DRD4: variants seen among roughly 807,000 people sequenced by gnomAD.
DRD4 encodes the protein dopamine receptor D4, also known as D(4) dopamine receptor.
A neutral mutation model predicts 22.1 loss-of-function variants in DRD4; 26 were observed. That is an observed-to-expected ratio of 1.17 (90% CI 0.86 to 1.63). DRD4 has a LOEUF of 1.63. Ranked by LOEUF, DRD4 falls within the 40% of genes most tolerant of loss-of-function variation. The pLI is 0.00. For missense variants in DRD4, 913 were observed against 632.4 expected (o/e 1.44, Z -4.76); for synonymous variants, 455 against 306.7 (o/e 1.48, Z -5.05).
Position 640,514 on chromosome 11 carries a change from G to A in DRD4, c.1171G>A (p.Val391Ile), listed in dbSNP as rs1564914551. 10 of 1,599,124 alleles carry A rather than the reference G, an allele frequency of 6.3e-6. No homozygotes were observed. Among genetic ancestry groups the A allele is most frequent in the East Asian group, 2.2e-5 (1 of 44,748 alleles). The change falls in exon 4 of 4, where the codon GTC becomes ATC. Residue 391 changes from valine (V) to isoleucine (I), a missense_variant. Physicochemically the swap from Val to Ile is conservative, Grantham distance 29 (BLOSUM62 3). Coordinates refer to ENST00000176183, the MANE Select transcript of DRD4 (RefSeq NM_000797.4). Reference sequence around the variant, plus strand: ...CAGCGCCGTCACCTGGCTGGGCTACGTCAACAGCGCCCTCAACCCCGTCAT... The same window carrying A: ...CAGCGCCGTCACCTGGCTGGGCTACATCAACAGCGCCCTCAACCCCGTCAT... ...LVSAVTWLGYVNSALNPVIYT... is the reference protein window; with the variant it reads ...LVSAVTWLGYINSALNPVIYT...
In DRD4 at chr11:637,584, T is replaced by G; in HGVS notation, c.280T>G (p.Ser94Ala). ...ALLVLPLFVYSEVQGGAWLLS... is the reference protein window; with the variant it reads ...ALLVLPLFVYAEVQGGAWLLS... ...CCTGGTGCTGCCGCTCTTCGTCTAC[T>G]CCGAGGTGAGCCGCGTCCGGCCGCA... is the stretch of plus-strand genomic sequence containing the variant. The change falls in exon 1 of 4, where the codon TCC (serine) becomes GCC (alanine). Residue 94 changes from serine to alanine, a missense_variant. By Grantham distance (99) the Ser-to-Ala change is moderately conservative (BLOSUM62 1). Coordinates refer to ENST00000176183, the MANE Select transcript of DRD4 (RefSeq NM_000797.4). The G allele has an allele frequency of 6.5e-7, 1 of 1,548,316 alleles. No individual in the cohort carries two copies. Among genetic ancestry groups the G allele is most frequent in the Non-Finnish European group, 8.7e-7 (1 of 1,150,640 alleles).
chr11:639,537 C>T lies in DRD4; in HGVS notation c.390C>T (p.Ser130=), dbSNP rs767203581. ...TASIFNLCAI[S]VDRFVAVAVP... is the part of the protein sequence containing the mutation. ...CCATCTTCAACCTGTGCGCCATCAG[C>T]GTGGACAGGTGCGCCGCCCTCCCCG... The change falls in exon 2 of 4, where the codon AGC becomes AGT. Residue 130 remains serine, a synonymous_variant. Coordinates refer to ENST00000176183, the MANE Select transcript of DRD4 (RefSeq NM_000797.4). The T allele has an allele frequency of 4.2e-5, 67 of 1,582,644 alleles. 1 individual carries two copies. The Middle Eastern group carries it at 5.0e-4, about 12-fold the overall frequency.
chr11:637,475 G>A lies in DRD4; in HGVS notation c.171G>A (p.Val57=), dbSNP rs201211288. Residue 57 remains valine (V), a synonymous_variant, in exon 1 of 4, where the codon GTG becomes GTA. Transcript: ENST00000176183. ...AVLAGNSLVC[V]SVATERALQT... ...TCGCGGGGAACTCGCTCGTGTGCGT[G>A]AGCGTGGCCACCGAGCGCGCCCTGC... The A allele has an allele frequency of 5.2e-6, 8 of 1,539,938 alleles. No individual in the cohort carries two copies. The South Asian group carries it at 7.1e-5, about 14-fold the overall frequency.
At position 640,556 on chromosome 11, in the gene DRD4, G is replaced by A. The variant is rs1265741234; in HGVS notation, c.1213G>A (p.Ala405Thr). Residue 405 changes from alanine to threonine, a missense_variant, in exon 4 of 4, where the codon GCC becomes ACC. By Grantham distance (58) the Ala-to-Thr change is moderately conservative. Coordinates refer to ENST00000176183, the MANE Select transcript of DRD4 (RefSeq NM_000797.4). ...LNPVIYTVFN[A>T]EFRNVFRKAL... ...CCCCGTCATCTACACTGTCTTCAAC[G>A]CCGAGTTCCGCAACGTCTTCCGCAA... 1.9e-6 allele frequency: 3 copies of A among 1,600,406 alleles called. No homozygotes were observed. The highest frequency in any genetic ancestry group is 2.2e-5 in the East Asian group (1 of 44,854).
At chr11:637,725 C>A (rs1202759422) in intron 1 of DRD4, 136 bp downstream of exon 1, 2 of 1,471,490 alleles carry the variant, frequency 1.4e-6, no homozygotes, top group African/African-American at 2.8e-5. Context: ...GGGCGCTGCG[C>A]CTTGTCCCTC....
In DRD4 at chr11:640,635, T is replaced by G. The variant is rs976890423; in HGVS notation, c.*32T>G. 7 of 1,597,166 alleles carry G rather than the reference T, an allele frequency of 4.4e-6. No homozygotes were observed. In the East Asian group the frequency reaches 1.6e-4, roughly 36 times the overall value. On this transcript the variant is annotated 3_prime_UTR_variant, in exon 4 of 4. Coordinates refer to ENST00000176183, the MANE Select transcript of DRD4 (RefSeq NM_000797.4). The stretch of plus-strand genomic sequence containing the variant: ...CACCCCCGGACGCCCCCCGGCCTGA[T>G]GGCCAGGCCTCAGGGACCAAGGAGA...
chr11:638,575 TTATGA>T (rs1355765740), intron 1 of DRD4, among the ~76,000 whole-genome samples: 3 of 152,138 alleles, frequency 2.0e-5, no homozygotes, highest in Admixed American at 2.0e-4. Context: ...TTCAAGACAA[TTATGA>T]TGTGGATACT....
Position 639,447 on chromosome 11 carries a change from G to C in DRD4, c.300G>C (p.Ala100=), listed in dbSNP as rs1490373066. The C allele has an allele frequency of 6.3e-7, 1 of 1,595,130 alleles. No homozygotes were observed. Among genetic ancestry groups the C allele is most frequent in the Non-Finnish European group, 8.5e-7 (1 of 1,177,052 alleles). ...LFVYSEVQGG[A]WLLSPRLCDA... Reference sequence around the variant, plus strand: ...TCGCCGCGCAGGTCCAGGGTGGCGCGTGGCTGCTGAGCCCCCGCCTGTGCG... The same window carrying C: ...TCGCCGCGCAGGTCCAGGGTGGCGCCTGGCTGCTGAGCCCCCGCCTGTGCG... The change falls in exon 2 of 4, where the codon GCG becomes GCC. Residue 100 remains alanine (A), a synonymous_variant. Transcript: ENST00000176183.
chr11:638,284 G>T (rs1288464393), intron 1 of DRD4, among the ~76,000 whole-genome samples: 1 of 152,164 alleles, frequency 6.6e-6, no homozygotes, highest in South Asian at 2.1e-4. Context: ...CTGGAGACGC[G>T]GTGTCCCCGA....
rs745604469 is a variant in DRD4 at position 640,533 on chromosome 11, C to T, written c.1190C>T (p.Pro397Leu). The change falls in exon 4 of 4, where the codon CCC (proline) becomes CTC (leucine). Residue 397 changes from proline (P) to leucine (L), a missense_variant. Coordinates refer to ENST00000176183, the MANE Select transcript of DRD4 (RefSeq NM_000797.4). Reference sequence around the variant, plus strand: ...GGCTACGTCAACAGCGCCCTCAACCCCGTCATCTACACTGTCTTCAACGCC... The same window carrying T: ...GGCTACGTCAACAGCGCCCTCAACCTCGTCATCTACACTGTCTTCAACGCC... ...WLGYVNSALN[P>L]VIYTVFNAEF... is the part of the protein sequence containing the mutation. 3 of 1,600,780 alleles carry T rather than the reference C, an allele frequency of 1.9e-6. No homozygotes were observed. The highest frequency in any genetic ancestry group is 2.2e-5 in the East Asian group (1 of 44,864).
intron 1 of DRD4, among the ~76,000 whole-genome samples, chr11:637,897 G>C (rs912998399): frequency 6.6e-6 from 1 of 152,200 alleles, no homozygotes; most frequent in South Asian, 2.1e-4. Flanking sequence ...ACTTTGTCAA[G>C]CCCAGTCCCC....
At chr11:638,519 CG>C (rs1480651533) in intron 1 of DRD4, among the ~76,000 whole-genome samples, 8 of 152,188 alleles carry the variant, frequency 5.3e-5, no homozygotes, top group Non-Finnish European at 8.8e-5. Context: ...TGGAGTCCTA[CG>C]CTGGGCACTG....
In DRD4 at chr11:640,425, CCTT is replaced by C. The variant is rs760603804; in HGVS notation, c.1087_1089del (p.Phe363del). On this transcript the variant is annotated inframe_deletion, in exon 4 of 4. Transcript: ENST00000176183. ...GGGGCCTTCCTGCTGTGCTGGACGC[CCTT>C]CTTCGTGGTGCACATCACGCAGGCG... 83 of 1,600,588 alleles carry C rather than the reference CCTT, an allele frequency of 5.2e-5. No individual in the cohort carries two copies. The African/African-American group carries it at 7.7e-4, about 15-fold the overall frequency.
intron 1 of DRD4, 149 bp from the exon 2 acceptor site, chr11:639,284 G>A: frequency 1.4e-6 from 1 of 709,810 alleles, no homozygotes; most frequent in Middle Eastern, 3.8e-4. Flanking sequence ...GTGGGGAAGG[G>A]GTGTTTCCCT....
chr11:637,647 T>C, intron 1 of DRD4, 58 bp downstream of exon 1: 9 of 1,534,824 alleles, frequency 5.9e-6, no homozygotes, highest in Non-Finnish European at 7.0e-6. Flanking sequence ...CCCGTCCCTG[T>C]CCCTACGGAG....
chr11:639,688 G>A lies in DRD4; in HGVS notation c.439G>A (p.Gly147Ser), dbSNP rs893622540. The A allele has an allele frequency of 2.7e-6, 4 of 1,478,064 alleles. No individual in the cohort carries two copies. The highest frequency in any genetic ancestry group is 3.6e-6 in the Non-Finnish European group (4 of 1,119,998). 91.6% of individuals were successfully genotyped at this position (1,478,064 alleles called of 1,614,324 possible). A position where few individuals can be genotyped will look rare whatever the true frequency, so the allele number is the denominator to read the frequency against. The stretch of plus-strand genomic sequence containing the variant: ...CGTGCCGCTGCGCTACAACCGGCAG[G>A]GTGGGAGCCGCCGGCAGCTGCTGCT... ...VAVPLRYNRQ[G>S]GSRRQLLLIG... The change falls in exon 3 of 4, where the codon GGT becomes AGT. Residue 147 changes from glycine to serine, a missense_variant. Coordinates refer to ENST00000176183, the MANE Select transcript of DRD4 (RefSeq NM_000797.4).
At chr11:639,259 C>G (rs943201801) in intron 1 of DRD4, 174 bp from the exon 2 acceptor site, 1 of 642,716 alleles carries the variant, frequency 1.6e-6, no homozygotes, top group African/African-American at 1.8e-5. Context: ...TAACTCAAAA[C>G]AAAGGGAGAT....
intron 1 of DRD4, 40 bp downstream of exon 1, chr11:637,629 C>G (rs371831680): frequency 1.3e-6 from 2 of 1,537,272 alleles, no homozygotes; most frequent in Non-Finnish European, 1.7e-6. Context: ...TCACCTGCTC[C>G]TCGGTTCCCC....
intron 3 of DRD4, 37 bp downstream of exon 3, chr11:640,343 G>T (rs776312356): frequency 1.3e-5 from 20 of 1,551,114 alleles, no homozygotes; most frequent in East Asian, 2.4e-5. Flanking sequence ...AGGAGAGGAG[G>T]GGGGGGGTAC....
Sources: gnomAD v4.1 joint callset for allele counts (sites outside exome capture counted in the v4.1 genomes callset) on GRCh38, gnomAD v4.1.1 for gene constraint, MANE v1.5 for transcripts, NCBI Gene and HGNC (gene_info 2026-07-23, HGNC 2026-07-21) for gene names.